ARHGAP35: variants seen among roughly 807,000 people sequenced by gnomAD.
The protein encoded by ARHGAP35 is Rho GTPase activating protein 35.
A neutral mutation model predicts 111.1 loss-of-function variants in ARHGAP35; 15 were observed. That is an observed-to-expected ratio of 0.13 (90% CI 0.09 to 0.21). The LOEUF (loss-of-function observed/expected upper bound fraction) is 0.21, where lower values mean the gene tolerates loss of function less well. ARHGAP35 is among the 10% of genes least tolerant of loss of function. ARHGAP35 has a pLI of 1.00. For missense variants in ARHGAP35, 1,262 were observed against 1,873.0 expected (o/e 0.67, Z 6.02); for synonymous variants, 643 against 710.3 (o/e 0.91, Z 1.51).
chr19:46,870,549 A>C (rs1407929743), intron 1 of ARHGAP35, among the ~76,000 whole-genome samples: 5 of 152,046 alleles, frequency 3.3e-5, no homozygotes, highest in Non-Finnish European at 5.9e-5. Context: ...ACTGCACTCC[A>C]GCCTGGGTGA....
intron 1 of ARHGAP35, among the ~76,000 whole-genome samples, chr19:46,897,301 A>AT (rs1258147276): frequency 6.6e-6 from 1 of 152,084 alleles, no homozygotes; most frequent in Non-Finnish European, 1.5e-5. Flanking sequence ...TTGTGCACTT[A>AT]TTGGGGTGCA....
chr19:46,972,761 C>T (rs573718079), intron 3 of ARHGAP35, among the ~76,000 whole-genome samples: 13 of 152,250 alleles, frequency 8.5e-5, no homozygotes, highest in Middle Eastern at 3.4e-3. Flanking sequence ...TCATAGCAAC[C>T]ATATTAGATA....
At chr19:46,877,796 T>G (rs941267551) in intron 1 of ARHGAP35, among the ~76,000 whole-genome samples, 1 of 151,740 alleles carries the variant, frequency 6.6e-6, no homozygotes, top group Admixed American at 6.6e-5. Flanking sequence ...AACCTCTGCC[T>G]CCCGGGTCCA....
intron 1 of ARHGAP35, among the ~76,000 whole-genome samples, chr19:46,864,450 A>G (rs1311518144): frequency 6.6e-6 from 1 of 152,206 alleles, no homozygotes; most frequent in Admixed American, 6.5e-5. Context: ...TAGCCATCCA[A>G]CTGTGAAGGA....
At position 46,945,794 on chromosome 19, in the gene ARHGAP35, C is replaced by T. The variant is rs1250217640; in HGVS notation, c.3826+8386C>T. On this transcript the variant is annotated intron_variant, in intron 3 of 6. Transcript: ENST00000672722. This position sits in a 1 kb window ranked among gnomAD's most constrained non-coding sequence, Gnocchi z 4.1. ...GCTTTCTTTGAATAATATGTGAGGC[C>T]AGACTTCGTTCCCTGTTTCTGTGAT... Among the ~76,000 whole-genome samples the T allele has an allele frequency of 6.6e-6, 1 of 152,160 alleles. No homozygotes were observed. Among genetic ancestry groups the T allele is most frequent in the African/African-American group, 2.4e-5 (1 of 41,420 alleles).
At position 46,901,766 on chromosome 19, in the gene ARHGAP35, A is replaced by C. The variant is rs2056084610; in HGVS notation, c.-188-16722A>C. ...TTGTTATCATTCTGATTATACTTGC[A>C]TGCACTTAGGTTATCATTAGCCCCT... On this transcript the variant is annotated intron_variant, in intron 1 of 6. Coordinates refer to ENST00000672722, the MANE Select transcript of ARHGAP35 (RefSeq NM_004491.5). The surrounding 1 kb of genome is among the most constrained non-coding windows in gnomAD (Gnocchi z 4.5). Among the ~76,000 whole-genome samples the C allele has an allele frequency of 6.6e-6, 1 of 152,160 alleles. No homozygotes were observed.
intron 1 of ARHGAP35, among the ~76,000 whole-genome samples, chr19:46,886,642 T>C (rs1451426894): frequency 6.6e-6 from 1 of 152,162 alleles, no homozygotes; most frequent in Non-Finnish European, 1.5e-5. Flanking sequence ...TGTTGTAGAT[T>C]TGGGAGTTTT....
At chr19:46,892,253 G>T (rs1244511282) in intron 1 of ARHGAP35, among the ~76,000 whole-genome samples, 1 of 148,270 alleles carries the variant, frequency 6.7e-6, no homozygotes, top group Admixed American at 6.8e-5. Context: ...GCAGTGAGCC[G>T]AGATCGCACC....
chr19:46,928,116 G>A (rs889079674), intron 2 of ARHGAP35, among the ~76,000 whole-genome samples: 1 of 152,120 alleles, frequency 6.6e-6, no homozygotes, highest in Non-Finnish European at 1.5e-5. Context: ...TTTCTCACTG[G>A]TGTCACTCGA....
Position 46,918,810 on chromosome 19 carries a change from G to A in ARHGAP35, c.135G>A (p.Pro45=), listed in dbSNP as rs767399152. 27 of 1,613,828 alleles carry A rather than the reference G, an allele frequency of 1.7e-5. No homozygotes were observed. Among genetic ancestry groups the A allele is most frequent in the Non-Finnish European group, 1.9e-5 (22 of 1,179,886 alleles). ...GTTTGTGCAACCGCTTCGTGCGCCC[G>A]AGTGCTGACGAGTTTCACTTGGACC... ...KSCLCNRFVR[P]SADEFHLDHT... The change falls in exon 2 of 7, where the codon CCG becomes CCA. Residue 45 remains proline (P), a synonymous_variant. Transcript: ENST00000672722. This position sits in a 1 kb window ranked among gnomAD's most constrained non-coding sequence, Gnocchi z 5.4.
At chr19:46,867,623 T>C (rs2055865477) in intron 1 of ARHGAP35, among the ~76,000 whole-genome samples, 1 of 152,202 alleles carries the variant, frequency 6.6e-6, no homozygotes, top group African/African-American at 2.4e-5. Context: ...TCTCTCTAGA[T>C]AGACAGTAAA....
rs1413829988 is a variant in ARHGAP35 at position 47,000,818 on chromosome 19, C to T, written c.*130C>T. The T allele has an allele frequency of 6.2e-5, 96 of 1,542,430 alleles. No homozygotes were observed. Among genetic ancestry groups the T allele is most frequent in the Non-Finnish European group, 8.3e-5 (95 of 1,146,724 alleles). ...GGCTCTCCCCATTACCTTCTCAAGACCTCAGTGGGAGCACCAGCCAATGGT... is the reference window on the plus strand; with the variant it reads ...GGCTCTCCCCATTACCTTCTCAAGATCTCAGTGGGAGCACCAGCCAATGGT... On this transcript the variant is annotated 3_prime_UTR_variant, in exon 7 of 7. Coordinates refer to ENST00000672722, the MANE Select transcript of ARHGAP35 (RefSeq NM_004491.5). The surrounding 1 kb of genome is among the most constrained non-coding windows in gnomAD (Gnocchi z 6.9).
At chr19:46,961,438 T>C (rs1032038375) in intron 3 of ARHGAP35, among the ~76,000 whole-genome samples, 1 of 152,170 alleles carries the variant, frequency 6.6e-6, no homozygotes, top group African/African-American at 2.4e-5. Context: ...AGCACCTCCA[T>C]CAGCTGTATA....
At position 46,945,512 on chromosome 19, in the gene ARHGAP35, G is replaced by T. The variant is rs28578971; in HGVS notation, c.3826+8104G>T. On this transcript the variant is annotated intron_variant, in intron 3 of 6. Transcript: ENST00000672722. The surrounding 1 kb of genome is among the most constrained non-coding windows in gnomAD (Gnocchi z 4.1). ...TCTTGATAGCTCATGGTGGTCACAA[G>T]ACTGAGGTTTTAAATCCTGGGTCTC... 0.02 allele frequency among the ~76,000 whole-genome samples: 3,017 copies of T among 152,214 alleles called. 105 individuals carry two copies. The highest frequency in any genetic ancestry group is 0.068 in the African/African-American group (2,812 of 41,522).
rs368072710 is a variant in ARHGAP35, at chr19:46,992,023, G to A, written c.4036+2348G>A. The stretch of plus-strand genomic sequence containing the variant: ...ATTGAACACTGCTGAAAATGTACTC[G>A]CAAAATAGAGACGTTTGTGATTATT... On this transcript the variant is annotated intron_variant, in intron 5 of 6. Coordinates refer to ENST00000672722, the MANE Select transcript of ARHGAP35 (RefSeq NM_004491.5). The surrounding 1 kb of genome is among the most constrained non-coding windows in gnomAD (Gnocchi z 4.4). 5.9e-5 allele frequency among the ~76,000 whole-genome samples: 9 copies of A among 152,244 alleles called. No individual in the cohort carries two copies. The highest frequency in any genetic ancestry group is 2.2e-4 in the African/African-American group (9 of 41,556).
In ARHGAP35 at chr19:46,918,009, C is replaced by T. The variant is rs1451478181; in HGVS notation, c.-188-479C>T. The stretch of plus-strand genomic sequence containing the variant: ...GATTACAGGCGTAAGCTACCACGCC[C>T]GGCCCAGGTTCCTGTTTTTGCAGTG... On this transcript the variant is annotated intron_variant, in intron 1 of 6. Coordinates refer to ENST00000672722, the MANE Select transcript of ARHGAP35 (RefSeq NM_004491.5). This position sits in a 1 kb window ranked among gnomAD's most constrained non-coding sequence, Gnocchi z 5.4. 3.9e-5 allele frequency among the ~76,000 whole-genome samples: 6 copies of T among 152,328 alleles called. No homozygotes were observed. Among genetic ancestry groups the T allele is most frequent in the Middle Eastern group, 3.4e-3 (1 of 294 alleles).
chr19:46,869,494 G>A, intron 1 of ARHGAP35, among the ~76,000 whole-genome samples: 1 of 150,058 alleles, frequency 6.7e-6, no homozygotes, highest in East Asian at 1.9e-4. Flanking sequence ...GTGTGTGTGT[G>A]TGTGTGTGTG....
intron 1 of ARHGAP35, among the ~76,000 whole-genome samples, chr19:46,913,277 C>T (rs995232569): frequency 1.6e-4 from 24 of 150,586 alleles, no homozygotes; most frequent in African/African-American, 5.6e-4. Context: ...GTGATACACA[C>T]GCTGTGTTGG....
At chr19:46,934,197 A>C (rs11667017) in intron 2 of ARHGAP35, among the ~76,000 whole-genome samples, 5,268 of 152,316 alleles carry the variant, frequency 0.035, 173 homozygotes, top group East Asian at 0.16. Flanking sequence ...GGTTATTCAG[A>C]TTGTATAGCT....
Sources: allele counts gnomAD v4.1 joint callset (sites outside exome capture counted in the v4.1 genomes callset), GRCh38; gene constraint gnomAD v4.1.1; non-coding constraint Gnocchi (gnomAD v3.1); transcripts MANE v1.5; gene names NCBI Gene and HGNC (gene_info 2026-07-23, HGNC 2026-07-21).